The following MYH14 variants were observed in gnomAD, a reference collection of about 807,000 sequenced individuals.
MYH14 encodes myosin heavy chain 14.
A neutral mutation model predicts 255.5 loss-of-function variants in MYH14; 123 were observed. The observed-to-expected ratio is 0.48, with a 90% CI of 0.42 to 0.56. MYH14 has a LOEUF of 0.56. Among genes scored for constraint, MYH14 ranks in the 20% least tolerant of loss-of-function variants. The pLI, the probability that MYH14 is intolerant of heterozygous loss-of-function variation, is 0.00. For missense variants in MYH14, 2,423 were observed against 2,802.3 expected (o/e 0.86, Z 3.06); for synonymous variants, 1,095 against 1,161.2 (o/e 0.94, Z 1.16).
chr19:50,276,325 C>T lies in MYH14; in HGVS notation c.3680+122C>T, dbSNP rs566600489. ...TATTGTACAGTTGTTCATGAACCACCGGCTCTAGGTCCGGCCTGGGTCAAG... is the reference window on the plus strand; with the variant it reads ...TATTGTACAGTTGTTCATGAACCACTGGCTCTAGGTCCGGCCTGGGTCAAG... On this transcript the variant is annotated intron_variant, in intron 28 of 42. Coordinates refer to ENST00000642316, the MANE Select transcript of MYH14 (RefSeq NM_001145809.2). The surrounding 1 kb of genome is among the most constrained non-coding windows in gnomAD (Gnocchi z 4.3). 43 of 839,264 alleles carry T rather than the reference C, an allele frequency of 5.1e-5. No homozygotes were observed. Among genetic ancestry groups the T allele is most frequent in the South Asian group, 4.3e-4 (22 of 51,650 alleles). 52.0% of individuals were successfully genotyped at this position (839,264 alleles called of 1,614,324 possible).
chr19:50,241,484 A>T (rs1264845197), intron 10 of MYH14, among the ~76,000 whole-genome samples: 1 of 152,016 alleles, frequency 6.6e-6, no homozygotes, highest in Non-Finnish European at 1.5e-5. Context: ...ACACAGCCTC[A>T]CCTGCTGTCC....
Position 50,263,477 on chromosome 19 carries a change from G to C in MYH14, c.2694+57G>C. ...GGGAGAGGATAGGGCCTTGGGGCTT[G>C]GTCTGCTTGACAAGTGACTTCCTCC... On this transcript the variant is annotated intron_variant, in intron 22 of 42. Transcript: ENST00000642316. 3 of 1,308,884 alleles carry C rather than the reference G, an allele frequency of 2.3e-6. No homozygotes were observed. The South Asian group carries it at 4.2e-5, about 18-fold the overall frequency. The allele number at this position is 1,308,884 out of a possible 1,614,324, so 81.1% of individuals were successfully genotyped here.
At chr19:50,288,648 G>T (rs2035969032) in intron 34 of MYH14, among the ~76,000 whole-genome samples, 1 of 152,220 alleles carries the variant, frequency 6.6e-6, no homozygotes, top group South Asian at 2.1e-4. Flanking sequence ...CATGTGGGCA[G>T]TGGCGATCCA....
intron 17 of MYH14, among the ~76,000 whole-genome samples, chr19:50,256,507 G>C (rs1362509667): frequency 3.3e-5 from 5 of 152,180 alleles, no homozygotes; most frequent in African/African-American, 1.2e-4. Flanking sequence ...AAGTAGCTGG[G>C]ATTACAGGCA....
At chr19:50,262,093 C>G (rs2034903816) in intron 21 of MYH14, among the ~76,000 whole-genome samples, 1 of 152,042 alleles carries the variant, frequency 6.6e-6, no homozygotes, top group African/African-American at 2.4e-5. Context: ...CAAGGAGGCC[C>G]TGCTGCAGGC....
intron 40 of MYH14, among the ~76,000 whole-genome samples, chr19:50,306,817 A>G (rs1459876932): frequency 2.6e-5 from 4 of 152,212 alleles, no homozygotes; most frequent in Non-Finnish European, 1.5e-5. Context: ...TCACAACATC[A>G]TAGGAAACAG....
chr19:50,248,331 G>C (rs1434966611), intron 12 of MYH14, among the ~76,000 whole-genome samples: 3 of 152,166 alleles, frequency 2.0e-5, no homozygotes, highest in African/African-American at 7.2e-5. Context: ...TGGGTTCAGG[G>C]ATGCAGGTAG....
chr19:50,210,096 CAAAAAAAAAAAAAAA>C (rs71180680), intron 1 of MYH14, among the ~76,000 whole-genome samples: 37 of 59,634 alleles, frequency 6.2e-4, no homozygotes, highest in African/African-American at 1.4e-3. Context: ...GACTCCGTCT[CAAAAAAAAAAAAAAA>C]AAAAAAAAAA....
chr19:50,220,094 A>G (rs972390382), intron 3 of MYH14, among the ~76,000 whole-genome samples: 1 of 151,916 alleles, frequency 6.6e-6, no homozygotes, highest in Non-Finnish European at 1.5e-5. Context: ...ATAGTACACA[A>G]CATTCAGACC....
chr19:50,294,103 C>T (rs1035321469), intron 39 of MYH14, among the ~76,000 whole-genome samples: 7 of 152,088 alleles, frequency 4.6e-5, no homozygotes, highest in African/African-American at 1.7e-4. Context: ...CTGAGGATTC[C>T]GGTGGCCCAG....
chr19:50,246,936 C>A, intron 11 of MYH14, 68 bp from the exon 12 acceptor site: 1 of 1,138,280 alleles, frequency 8.8e-7, no homozygotes, highest in Non-Finnish European at 1.3e-6. Flanking sequence ...AAACGGTACC[C>A]TCTCCCTTGC....
chr19:50,283,055 T>A (rs762177423), intron 33 of MYH14, among the ~76,000 whole-genome samples: 2 of 152,130 alleles, frequency 1.3e-5, no homozygotes, highest in Non-Finnish European at 2.9e-5. Context: ...ATTTTTGGCA[T>A]CTTCTGGAAT....
In MYH14 at chr19:50,210,668, G is replaced by C. The variant is rs756526894; in HGVS notation, c.303G>C (p.Pro101=). 6.4e-6 allele frequency: 10 copies of C among 1,571,114 alleles called. No homozygotes were observed. In the African/African-American group the frequency reaches 1.2e-4, roughly 19 times the overall value. The change falls in exon 2 of 43, where the codon CCG becomes CCC. Residue 101 remains proline, a synonymous_variant. Transcript: ENST00000642316. ...GGGACCAGATCCAGCGCATGAACCC[G>C]CCCAAGTTCAGCAAGGCCGAGGACA... ...LPRDQIQRMN[P]PKFSKAEDMA... is the part of the protein sequence containing the mutation.
At chr19:50,291,169 G>A in intron 36 of MYH14, 121 bp downstream of exon 36, 1 of 841,186 alleles carries the variant, frequency 1.2e-6, no homozygotes, top group South Asian at 2.1e-5. Context: ...GCATCCGCAT[G>A]GGTCAGCACC....
intron 11 of MYH14, among the ~76,000 whole-genome samples, chr19:50,245,762 G>A (rs2034088094): frequency 1.3e-5 from 2 of 152,176 alleles, no homozygotes; most frequent in South Asian, 4.1e-4. Flanking sequence ...AGGCACCTGG[G>A]GGCTCTGTAC....
chr19:50,278,164 A>G lies in MYH14; in HGVS notation c.3907A>G (p.Thr1303Ala), dbSNP rs752277389. ...ELRAELSSLQ[T>A]ARQEGEQRRR... ...GCGGGCAGAACTGAGCAGCCTGCAG[A>G]CTGCACGTCAGGAGGGTGAGCAGCG... Residue 1303 changes from threonine to alanine, a missense_variant, in exon 30 of 43, where the codon ACT becomes GCT. Thr to Ala is a moderately conservative substitution (Grantham distance 58). This residue lies in a region of MYH14 where 1,513 missense variants were observed against 1,674.8 expected (regional missense o/e 0.90). Transcript: ENST00000642316. The G allele has an allele frequency of 1.9e-6, 3 of 1,612,550 alleles. No individual in the cohort carries two copies. Among genetic ancestry groups the G allele is most frequent in the Non-Finnish European group, 2.5e-6 (3 of 1,179,100 alleles).
intron 10 of MYH14, among the ~76,000 whole-genome samples, chr19:50,237,150 T>C (rs2033693433): frequency 6.6e-6 from 1 of 152,178 alleles, no homozygotes; most frequent in Non-Finnish European, 1.5e-5. Context: ...CTGAATAATT[T>C]TTATTGTTAT....
At chr19:50,233,512 G>GC (rs1409472060) in intron 10 of MYH14, among the ~76,000 whole-genome samples, 4 of 152,212 alleles carry the variant, frequency 2.6e-5, no homozygotes, top group East Asian at 3.9e-4. Flanking sequence ...TTTGACAGCA[G>GC]CTCTGTCTCA....
At chr19:50,239,898 C>G (rs2033822946) in intron 10 of MYH14, among the ~76,000 whole-genome samples, 3 of 152,148 alleles carry the variant, frequency 2.0e-5, no homozygotes, top group African/African-American at 7.2e-5. Context: ...AGTATACACA[C>G]CAATAAAAGG....
Sources: allele counts gnomAD v4.1 joint callset (sites outside exome capture counted in the v4.1 genomes callset), GRCh38; gene constraint gnomAD v4.1.1; regional missense constraint gnomAD v4.1.1; non-coding constraint Gnocchi (gnomAD v3.1); transcripts MANE v1.5; gene names NCBI Gene and HGNC (gene_info 2026-07-23, HGNC 2026-07-21).